The following CNTN1 variants were observed in gnomAD, a reference collection of about 807,000 sequenced individuals.
CNTN1 encodes contactin-1.
In CNTN1, 38 loss-of-function variants were observed where a neutral mutation model predicts 126.4. The ratio of observed to expected loss-of-function variants is 0.30; its 90% CI spans 0.23 to 0.39. The LOEUF (loss-of-function observed/expected upper bound fraction) is 0.39, where lower values mean the gene tolerates loss of function less well. Ranked by LOEUF, CNTN1 falls within the 10% of genes least tolerant of loss-of-function variation. CNTN1 has a pLI of 1.00. For missense variants in CNTN1, 1,009 were observed against 1,248.4 expected (o/e 0.81, Z 2.89); for synonymous variants, 413 against 422.6 (o/e 0.98, Z 0.28).
intron 4 of CNTN1, among the ~76,000 whole-genome samples, chr12:40,921,447 A>G (rs2017553160): frequency 1.3e-5 from 2 of 152,186 alleles, no homozygotes; most frequent in Non-Finnish European, 2.9e-5. Context: ...TTCTACATGC[A>G]TTCTTTTCAT....
chr12:41,034,250 A>G (rs143796243), intron 23 of CNTN1, among the ~76,000 whole-genome samples: 1 of 152,292 alleles, frequency 6.6e-6, no homozygotes, highest in East Asian at 1.9e-4. Flanking sequence ...TGTAATCTGT[A>G]TATTTAACCT....
chr12:41,050,398 A>G (rs1949645808), intron 23 of CNTN1, among the ~76,000 whole-genome samples: 1 of 152,180 alleles, frequency 6.6e-6, no homozygotes, highest in Admixed American at 6.5e-5. Flanking sequence ...ATCATGGCAG[A>G]AGGGTAAAGG....
rs2121135860 is a variant in CNTN1 at position 40,706,047 on chromosome 12, A to C, written c.-77+13455A>C. Among the ~76,000 whole-genome samples the C allele has an allele frequency of 2.0e-5, 3 of 152,102 alleles. No individual in the cohort carries two copies. The South Asian group carries it at 6.2e-4, about 32-fold the overall frequency. On this transcript the variant is annotated intron_variant, in intron 1 of 23. Coordinates refer to ENST00000551295, the MANE Select transcript of CNTN1 (RefSeq NM_001843.4). ...CTCCAACATTGGGTATTAAGATTTG[A>C]CATGAGATTTGGGTGGCAACAGAGA... is the stretch of plus-strand genomic sequence containing the variant.
intron 1 of CNTN1, among the ~76,000 whole-genome samples, chr12:40,805,230 C>A (rs915883345): frequency 6.6e-6 from 1 of 151,812 alleles, no homozygotes; most frequent in Non-Finnish European, 1.5e-5. Context: ...TTTTCAATAA[C>A]TATCATCTCA....
chr12:40,842,637 T>A (rs1942329620), intron 1 of CNTN1, among the ~76,000 whole-genome samples: 1 of 152,112 alleles, frequency 6.6e-6, no homozygotes, highest in African/African-American at 2.4e-5. Flanking sequence ...AACTAAATAT[T>A]AAGTAGTAGA....
At chr12:40,963,419 A>G (rs1947178446) in intron 15 of CNTN1, among the ~76,000 whole-genome samples, 1 of 152,050 alleles carries the variant, frequency 6.6e-6, no homozygotes, top group Non-Finnish European at 1.5e-5. Context: ...TGGTGAAAGG[A>G]GTAATTTCAG....
chr12:41,053,859 A>G (rs927940150), intron 23 of CNTN1, among the ~76,000 whole-genome samples: 2 of 151,768 alleles, frequency 1.3e-5, no homozygotes, highest in African/African-American at 4.8e-5. Context: ...TAAAATAAAT[A>G]CAGTGTACCA....
chr12:40,849,797 A>C (rs1475683357), intron 1 of CNTN1, among the ~76,000 whole-genome samples: 1 of 152,040 alleles, frequency 6.6e-6, no homozygotes, highest in Admixed American at 6.5e-5. Flanking sequence ...CCAAAGCCAA[A>C]CAAATTCAAA....
At chr12:41,038,438 A>AT (rs1412156043) in intron 23 of CNTN1, among the ~76,000 whole-genome samples, 1 of 151,946 alleles carries the variant, frequency 6.6e-6, no homozygotes, top group Non-Finnish European at 1.5e-5. Context: ...GTGTCTTCCC[A>AT]TGGCCTTCCC....
intron 17 of CNTN1, among the ~76,000 whole-genome samples, chr12:41,002,250 T>TC (rs1948379017): frequency 2.0e-5 from 3 of 152,350 alleles, no homozygotes; most frequent in African/African-American, 7.2e-5. Flanking sequence ...TTTATAGTAT[T>TC]GATGCTTTCT....
intron 1 of CNTN1, among the ~76,000 whole-genome samples, chr12:40,865,297 A>C (rs1943259111): frequency 6.6e-6 from 1 of 152,130 alleles, no homozygotes; most frequent in African/African-American, 2.4e-5. Context: ...TTCTGTGAGT[A>C]GTCTCTTCAC....
intron 2 of CNTN1, among the ~76,000 whole-genome samples, chr12:40,909,130 T>C (rs187520220): frequency 5.3e-5 from 8 of 152,148 alleles, no homozygotes; most frequent in African/African-American, 1.7e-4. Flanking sequence ...ATCAATATAA[T>C]TTAAAAAATG....
intron 1 of CNTN1, among the ~76,000 whole-genome samples, chr12:40,864,358 TA>T (rs1308146994): frequency 3.3e-5 from 5 of 152,058 alleles, no homozygotes; most frequent in African/African-American, 4.8e-5. Context: ...ATTGAGATAT[TA>T]TTCACATACC....
At chr12:40,972,147 T>C (rs1947534875) in intron 15 of CNTN1, 9 of 985,318 alleles carry the variant, frequency 9.1e-6, no homozygotes, top group Non-Finnish European at 1.1e-5. Flanking sequence ...AACCCTCATC[T>C]GAGTAGCAAG....
At chr12:41,065,307 G>C (rs1473935812) in intron 23 of CNTN1, among the ~76,000 whole-genome samples, 2 of 152,118 alleles carry the variant, frequency 1.3e-5, no homozygotes, top group Non-Finnish European at 2.9e-5. Context: ...CACCCGCCTG[G>C]GCCTCCCAAA....
intron 1 of CNTN1, among the ~76,000 whole-genome samples, chr12:40,892,010 C>T (rs1187166555): frequency 6.6e-6 from 1 of 152,082 alleles, no homozygotes; most frequent in East Asian, 1.9e-4. Flanking sequence ...GAATTTCCCT[C>T]ACTATGTTTT....
chr12:40,979,950 A>G (rs908292104), intron 15 of CNTN1, among the ~76,000 whole-genome samples: 13 of 152,170 alleles, frequency 8.5e-5, no homozygotes, highest in Non-Finnish European at 1.9e-4. Flanking sequence ...TGAGGTTTTA[A>G]GAGCATTCCT....
At chr12:41,032,533 C>A (rs1382976459) in intron 23 of CNTN1, among the ~76,000 whole-genome samples, 1 of 152,148 alleles carries the variant, frequency 6.6e-6, no homozygotes, top group Non-Finnish European at 1.5e-5. Context: ...CTTGAACACA[C>A]CAGTGTTATC....
chr12:40,921,115 A>T (rs182566574), intron 4 of CNTN1, among the ~76,000 whole-genome samples: 1 of 152,310 alleles, frequency 6.6e-6, no homozygotes, highest in East Asian at 1.9e-4. Context: ...TAATTTAGTA[A>T]GTTTTAAAAA....
Sources: gnomAD v4.1 joint callset for allele counts (sites outside exome capture counted in the v4.1 genomes callset) on GRCh38, gnomAD v4.1.1 for gene constraint, MANE v1.5 for transcripts, NCBI Gene and HGNC (gene_info 2026-07-23, HGNC 2026-07-21) for gene names.